Variants in DLGAP2 observed in about 807,000 individuals in gnomAD.
DLGAP2 encodes the protein disks large-associated protein 2.
In DLGAP2, 26 loss-of-function variants were observed where a neutral mutation model predicts 100.3. That is an observed-to-expected ratio of 0.26 (90% confidence interval 0.19 to 0.36). The LOEUF is 0.36. Among genes scored for constraint, DLGAP2 ranks in the 10% least tolerant of loss-of-function variants. DLGAP2 has a pLI of 1.00. For missense variants in DLGAP2, 1,858 were observed against 1,453.2 expected (o/e 1.28, Z -4.53); for synonymous variants, 886 against 630.1 (o/e 1.41, Z -6.08).
At chr8:1,602,929 A>G (rs1796673795) in intron 6 of DLGAP2, among the ~76,000 whole-genome samples, 1 of 152,240 alleles carries the variant, frequency 6.6e-6, no homozygotes, top group Non-Finnish European at 1.5e-5. Flanking sequence ...GGGAAAATTC[A>G]ACAGAATGAG....
At chr8:1,129,360 G>C (rs766424341) in intron 2 of DLGAP2, among the ~76,000 whole-genome samples, 2 of 148,894 alleles carry the variant, frequency 1.3e-5, no homozygotes, top group East Asian at 4.0e-4. Flanking sequence ...CTGAGATTGC[G>C]CCACTGCACT....
intron 3 of DLGAP2, among the ~76,000 whole-genome samples, chr8:1,311,847 C>T (rs569832229): frequency 2.0e-5 from 3 of 152,308 alleles, no homozygotes; most frequent in South Asian, 4.1e-4. Flanking sequence ...TCCAAGAAGA[C>T]ACAGCAATCC....
intron 1 of DLGAP2, among the ~76,000 whole-genome samples, chr8:738,378 G>C (rs537127325): frequency 2.0e-3 from 308 of 152,034 alleles, no homozygotes; most frequent in African/African-American, 7.2e-3. Flanking sequence ...CCTTGTGCCG[G>C]GCAGCAGCGG....
chr8:919,709 A>G (rs2129001152), intron 2 of DLGAP2, among the ~76,000 whole-genome samples: 1 of 152,258 alleles, frequency 6.6e-6, no homozygotes, highest in East Asian at 1.9e-4. Context: ...CAGAAAGACC[A>G]GCCTGCATGG....
intron 3 of DLGAP2, chr8:1,378,249 GCCACA>G (rs1796007152): frequency 1.2e-5 from 2 of 169,506 alleles, no homozygotes; most frequent in Non-Finnish European, 2.3e-5. Context: ...ACCTGTCCTT[GCCACA>G]CACACCTGAC....
At chr8:1,184,775 C>T (rs1173427781) in intron 2 of DLGAP2, among the ~76,000 whole-genome samples, 1 of 152,172 alleles carries the variant, frequency 6.6e-6, no homozygotes, top group Non-Finnish European at 1.5e-5. Flanking sequence ...GTGACGATGA[C>T]TGGTTGGTGA....
At chr8:1,417,996 T>C (rs1019175307) in intron 3 of DLGAP2, among the ~76,000 whole-genome samples, 2 of 152,216 alleles carry the variant, frequency 1.3e-5, no homozygotes, top group Non-Finnish European at 2.9e-5. Context: ...TCAGCACGTT[T>C]GGAGAATGGG....
chr8:1,439,646 G>C (rs1481520517), intron 3 of DLGAP2, among the ~76,000 whole-genome samples: 2 of 152,142 alleles, frequency 1.3e-5, no homozygotes, highest in African/African-American at 2.4e-5. Flanking sequence ...GGAGTGCGCA[G>C]AGAGACAGGG....
At chr8:781,587 C>T (rs1207761125) in intron 1 of DLGAP2, among the ~76,000 whole-genome samples, 4 of 152,284 alleles carry the variant, frequency 2.6e-5, no homozygotes, top group Non-Finnish European at 4.4e-5. Context: ...CTATGAATGA[C>T]TGCAGATTAC....
intron 6 of DLGAP2, among the ~76,000 whole-genome samples, chr8:1,589,967 C>A (rs571986330): frequency 1.6e-4 from 25 of 152,214 alleles, no homozygotes; most frequent in African/African-American, 5.3e-4. Context: ...AGAAATTTAC[C>A]CTCTCCAGTT....
chr8:1,185,118 C>G (rs1170145207), intron 2 of DLGAP2, among the ~76,000 whole-genome samples: 2 of 152,242 alleles, frequency 1.3e-5, no homozygotes, highest in African/African-American at 4.8e-5. Context: ...GGCAGAGGAG[C>G]ACCCTGGCAC....
At chr8:770,257 C>T (rs370393179) in intron 1 of DLGAP2, among the ~76,000 whole-genome samples, 194 of 152,096 alleles carry the variant, frequency 1.3e-3, no homozygotes, top group African/African-American at 4.2e-3. Context: ...AGGGAGAGTG[C>T]GTGCGTGGCG....
chr8:1,551,725 C>A (rs530018810), intron 5 of DLGAP2, among the ~76,000 whole-genome samples: 1 of 152,316 alleles, frequency 6.6e-6, no homozygotes, highest in Non-Finnish European at 1.5e-5. Context: ...TACACTGCAA[C>A]AAATCCCACA....
intron 4 of DLGAP2, among the ~76,000 whole-genome samples, chr8:1,544,917 G>C (rs969685717): frequency 3.8e-4 from 58 of 152,126 alleles, no homozygotes; most frequent in African/African-American, 1.3e-3. Context: ...ATTTTTAGTA[G>C]AGATGGGGTT....
intron 2 of DLGAP2, among the ~76,000 whole-genome samples, chr8:1,020,131 A>C (rs1478524169): frequency 4.6e-5 from 7 of 152,248 alleles, no homozygotes; most frequent in Non-Finnish European, 1.5e-5. Flanking sequence ...ACAATTATTC[A>C]AGTATCCATA....
At chr8:1,496,257 T>A (rs540722126) in intron 3 of DLGAP2, among the ~76,000 whole-genome samples, 1 of 152,148 alleles carries the variant, frequency 6.6e-6, no homozygotes, top group African/African-American at 2.4e-5. Flanking sequence ...CAGTGCAGAA[T>A]CTCTACATGA....
intron 2 of DLGAP2, among the ~76,000 whole-genome samples, chr8:989,098 T>G (rs912529547): frequency 6.6e-6 from 1 of 152,166 alleles, no homozygotes; most frequent in Non-Finnish European, 1.5e-5. Context: ...TCAGCCTCCA[T>G]TGTGACGACC....
At chr8:1,079,031 G>C (rs2600500) in intron 2 of DLGAP2, among the ~76,000 whole-genome samples, 44,221 of 152,200 alleles carry the variant, frequency 0.29, 6,917 homozygotes, top group Admixed American at 0.35. Context: ...GCAGGGAGGA[G>C]AGTTCCTGTT....
chr8:1,484,434 C>T (rs935469493), intron 3 of DLGAP2, among the ~76,000 whole-genome samples: 4 of 152,392 alleles, frequency 2.6e-5, no homozygotes, highest in Middle Eastern at 3.4e-3. Context: ...AAATTGGAAA[C>T]CTTCTGGCTT....
Sources: gnomAD v4.1 joint callset for allele counts (sites outside exome capture counted in the v4.1 genomes callset) on GRCh38, gnomAD v4.1.1 for gene constraint, MANE v1.5 for transcripts, NCBI Gene and HGNC (gene_info 2026-07-23, HGNC 2026-07-21) for gene names.